The following CPSF1 variants were observed in gnomAD, a reference collection of about 807,000 sequenced individuals.
The protein encoded by CPSF1 is cleavage and polyadenylation specific factor 1, also known as cleavage and polyadenylation specificity factor subunit 1.
CPSF1 carries 106 observed loss-of-function variants against 175.8 expected under a neutral mutation model. The ratio of observed to expected loss-of-function variants is 0.60; its 90% CI spans 0.52 to 0.71. The LOEUF (loss-of-function observed/expected upper bound fraction) is 0.71. CPSF1 is among the 30% of genes least tolerant of loss of function. The probability of loss-of-function intolerance (pLI) is 0.00; values close to 1 mark genes in which losing one functional copy is unlikely to be tolerated. For missense variants in CPSF1, 1,734 were observed against 2,022.9 expected (o/e 0.86, Z 2.74); for synonymous variants, 1,024 against 858.3 (o/e 1.19, Z -3.37).
rs1554864099 is a variant in CPSF1, at chr8:144,397,007, TGTGG to T, written c.2593-82_2593-79del. Reference sequence around the variant, plus strand: ...GGATGGGCCATGGGAAGAGGTGGGCTGTGGGTAAGGGGCGGGGCTGAGATGGGGT... The same window carrying T: ...GGATGGGCCATGGGAAGAGGTGGGCTGTAAGGGGCGGGGCTGAGATGGGGT... On this transcript the variant is annotated intron_variant, in intron 23 of 37. Transcript: ENST00000616140. 3.6e-6 allele frequency: 4 copies of T among 1,116,588 alleles called. No individual in the cohort carries two copies. The East Asian group carries it at 1.0e-4, about 29-fold the overall frequency. 69.2% of individuals were successfully genotyped at this position (1,116,588 alleles called of 1,614,324 possible).
chr8:144,400,135 G>GCCCCCCCCCCCCCCCCCCCCCCCC lies in CPSF1; in HGVS notation c.937+30_937+31insGGGGGGGGGGGGGGGGGGGGGGGG, dbSNP rs1491238659. ...CTAGGCAGGCCCAAGCCGTCCCCGG[G>GCCCCCCCCCCCCCCCCCCCCCCCC]CCCCCCCCGCCCCAGCCACCCCACA... On this transcript the variant is annotated intron_variant, in intron 9 of 37. Coordinates refer to ENST00000616140, the MANE Select transcript of CPSF1 (RefSeq NM_013291.3). The GCCCCCCCCCCCCCCCCCCCCCCCC allele has an allele frequency of 3.1e-5, 28 of 896,766 alleles. 1 individual carries two copies. The highest frequency in any genetic ancestry group is 4.3e-5 in the Non-Finnish European group (27 of 622,336). 55.6% of individuals were successfully genotyped at this position (896,766 alleles called of 1,614,324 possible). A position where few individuals can be genotyped will look rare whatever the true frequency, so the allele number is the denominator to read the frequency against.
Position 144,401,210 on chromosome 8 carries a change from C to T in CPSF1, c.387+1G>A, listed in dbSNP as rs1821189401. 1 of 1,549,834 alleles carries T rather than the reference C, an allele frequency of 6.5e-7. No individual in the cohort carries two copies. Among genetic ancestry groups the T allele is most frequent in the African/African-American group, 1.4e-5 (1 of 73,010 alleles). Reference sequence around the variant, plus strand: ...GGGCGGGGGCGGGAGCGCGGCCCTACCCGAAGCTCAGGCTCCTCAAAGTAG... The same window carrying T: ...GGGCGGGGGCGGGAGCGCGGCCCTATCCGAAGCTCAGGCTCCTCAAAGTAG... On this transcript the variant is annotated splice_donor_variant, in intron 5 of 37. Coordinates refer to ENST00000616140, the MANE Select transcript of CPSF1 (RefSeq NM_013291.3). LOFTEE classifies it high-confidence loss of function.
rs2116909466 is a variant in CPSF1 at position 144,407,835 on chromosome 8, T to C, written c.144+1180A>G. Among the ~76,000 whole-genome samples, 3 of 152,252 alleles carry C rather than the reference T, an allele frequency of 2.0e-5. No individual in the cohort carries two copies. The East Asian group carries it at 5.8e-4, about 29-fold the overall frequency. ...GTGTGGGACTATAGGTGTGAGCCAGTGCACCCAGCCTGAGATTCGGTTACA... is the reference window on the plus strand; with the variant it reads ...GTGTGGGACTATAGGTGTGAGCCAGCGCACCCAGCCTGAGATTCGGTTACA... On this transcript the variant is annotated intron_variant, in intron 2 of 37. Coordinates refer to ENST00000616140, the MANE Select transcript of CPSF1 (RefSeq NM_013291.3).
In CPSF1 at chr8:144,397,850, G is replaced by A; in HGVS notation, c.2103C>T (p.Tyr701=). ...TGGTGAACATGCCGCTGAGGTCTCGGTACAGGCACAGCGTAATCACCTTGG... is the reference window on the plus strand; with the variant it reads ...TGGTGAACATGCCGCTGAGGTCTCGATACAGGCACAGCGTAATCACCTTGG... ...HQSKVITLCL[Y]RDLSGMFTTE... is the part of the protein sequence containing the mutation. Residue 701 remains tyrosine, a synonymous_variant, in exon 21 of 38, where the codon TAC becomes TAT. Coordinates refer to ENST00000616140, the MANE Select transcript of CPSF1 (RefSeq NM_013291.3). 2 of 1,610,704 alleles carry A rather than the reference G, an allele frequency of 1.2e-6. No homozygotes were observed. Among genetic ancestry groups the A allele is most frequent in the Non-Finnish European group, 1.7e-6 (2 of 1,178,996 alleles).
intron 2 of CPSF1, among the ~76,000 whole-genome samples, chr8:144,402,145 TC>T (rs1237122639): frequency 2.5e-5 from 3 of 119,736 alleles, no homozygotes; most frequent in Admixed American, 1.7e-4. Flanking sequence ...CGCCTCGGGC[TC>T]CCCCAGGCTG....
chr8:144,396,304 G>A (rs1411253724), intron 26 of CPSF1, 44 bp downstream of exon 26: 5 of 1,549,598 alleles, frequency 3.2e-6, no homozygotes, highest in African/African-American at 1.4e-5. Flanking sequence ...GCCCCCAGCT[G>A]GGGCAGCATC....
chr8:144,394,859 G>GC, intron 30 of CPSF1, 23 bp downstream of exon 30: 2 of 1,611,648 alleles, frequency 1.2e-6, no homozygotes, highest in Non-Finnish European at 1.7e-6. Flanking sequence ...GCCAGTTCCC[G>GC]CCCCCGCTCA....
chr8:144,400,786 T>C lies in CPSF1; in HGVS notation c.571A>G (p.Ile191Val). ...QRSSFLPSYI[I>V]DVRALDEKLL... ...TTCTCGTCTAGGGCCCGCACGTCGA[T>C]GATGTAGCTGGGCAGGAAGCTGGAC... The change falls in exon 7 of 38, where the codon ATC becomes GTC. Residue 191 changes from isoleucine to valine, a missense_variant. Around this residue, in one of 10 missense-constraint regions of CPSF1, gnomAD observed 122 missense variants for 177.2 expected, o/e 0.69. Coordinates refer to ENST00000616140, the MANE Select transcript of CPSF1 (RefSeq NM_013291.3). 1 of 1,613,806 alleles carries C rather than the reference T, an allele frequency of 6.2e-7. No individual in the cohort carries two copies.
Position 144,395,315 on chromosome 8 carries a change from C to T in CPSF1, c.3137G>A (p.Arg1046His), listed in dbSNP as rs377690578. 1.2e-5 allele frequency: 20 copies of T among 1,613,128 alleles called. No individual in the cohort carries two copies. Among genetic ancestry groups the T allele is most frequent in the South Asian group, 2.2e-5 (2 of 91,042 alleles). Residue 1046 changes from arginine (R) to histidine (H), a missense_variant, in exon 28 of 38, where the codon CGC (arginine) becomes CAC (histidine). Physicochemically the swap from Arg to His is conservative, Grantham distance 29. Around this residue, in one of 10 missense-constraint regions of CPSF1, gnomAD observed 585 missense variants for 584.7 expected, o/e 1.00. Coordinates refer to ENST00000616140, the MANE Select transcript of CPSF1 (RefSeq NM_013291.3). ...VATSTNTPCA[R>H]IPRMTGEEKE... ...CTCCTCGCCAGTCATGCGTGGGATGCGGGCACACGGCGTGTTGGTGCTGGT... is the reference window on the plus strand; with the variant it reads ...CTCCTCGCCAGTCATGCGTGGGATGTGGGCACACGGCGTGTTGGTGCTGGT...
chr8:144,396,157 ACCACCCCTTT>A (rs1310314622), intron 26 of CPSF1, 181 bp downstream of exon 26: 4 of 636,204 alleles, frequency 6.3e-6, no homozygotes, highest in African/African-American at 5.5e-5. Flanking sequence ...CCAGCTCCCA[ACCACCCCTTT>A]CCAGACCTTT....
chr8:144,396,088 T>C (rs1319888884), intron 26 of CPSF1: 20 of 537,304 alleles, frequency 3.7e-5, no homozygotes, highest in Non-Finnish European at 6.0e-5. Context: ...GGCCAGGCCC[T>C]GCGAGGGCTT....
chr8:144,395,933 C>T (rs1457591782), intron 26 of CPSF1: 1 of 394,358 alleles, frequency 2.5e-6, no homozygotes, highest in Admixed American at 4.1e-5. Flanking sequence ...GCACTCACCG[C>T]ATCCCAGGCA....
intron 9 of CPSF1, 38 bp downstream of exon 9, chr8:144,400,128 T>TA: frequency 5.5e-6 from 5 of 909,866 alleles, no homozygotes; most frequent in Non-Finnish European, 4.4e-6. Context: ...GCCCAAGCCG[T>TA]CCCCGGGCCC....
rs1399598433 is a variant in CPSF1, at chr8:144,400,409, G to A, written c.771C>T (p.Ser257=). Residue 257 remains serine, a synonymous_variant, in exon 8 of 38, where the codon TCC becomes TCT. Coordinates refer to ENST00000616140, the MANE Select transcript of CPSF1 (RefSeq NM_013291.3). ...TGCAGTCAAAGGGCAGGCTGGTGAGGGACCAGATGACGGGGTGCACCTTCT... is the reference window on the plus strand; with the variant it reads ...TGCAGTCAAAGGGCAGGCTGGTGAGAGACCAGATGACGGGGTGCACCTTCT... ...ITQKVHPVIW[S]LTSLPFDCTQ... 8.1e-6 allele frequency: 13 copies of A among 1,613,818 alleles called. No individual in the cohort carries two copies. The highest frequency in any genetic ancestry group is 1.1e-5 in the Non-Finnish European group (13 of 1,179,972).
Position 144,400,383 on chromosome 8 carries a change from G to C in CPSF1, c.797C>G (p.Thr266Ser). The C allele has an allele frequency of 1.2e-6, 2 of 1,613,926 alleles. No homozygotes were observed. The highest frequency in any genetic ancestry group is 1.7e-6 in the Non-Finnish European group (2 of 1,179,986). ...WSLTSLPFDC[T>S]QALAVPKPIG... ...GGGCTTGGGCACAGCCAGAGCCTGG[G>C]TGCAGTCAAAGGGCAGGCTGGTGAG... is the stretch of plus-strand genomic sequence containing the variant. Residue 266 changes from threonine (T) to serine (S), a missense_variant, in exon 8 of 38, where the codon ACC (threonine) becomes AGC (serine). Around this residue, in one of 10 missense-constraint regions of CPSF1, gnomAD observed 61 missense variants for 104.0 expected, o/e 0.59. Coordinates refer to ENST00000616140, the MANE Select transcript of CPSF1 (RefSeq NM_013291.3).
chr8:144,394,185 GC>G, intron 33 of CPSF1, 25 bp from the exon 34 acceptor site: 4 of 1,612,492 alleles, frequency 2.5e-6, no homozygotes, highest in Non-Finnish European at 3.4e-6. Flanking sequence ...CCCAGGGTCA[GC>G]CCCGGCCACC....
Position 144,409,286 on chromosome 8 carries a change from C to T in CPSF1, c.-15+3G>A, listed in dbSNP as rs1317504448. 2.2e-5 allele frequency: 19 copies of T among 881,368 alleles called. No homozygotes were observed. Among genetic ancestry groups the T allele is most frequent in the Middle Eastern group, 4.1e-4 (1 of 2,452 alleles). The allele number at this position is 881,368 out of a possible 1,614,324, so 54.6% of individuals were successfully genotyped here. Reference sequence around the variant, plus strand: ...CGCCTCGGCCGCCCGCCCGGCCGCCCACCTGGCAGTTGGAGCCGACTCGAG... The same window carrying T: ...CGCCTCGGCCGCCCGCCCGGCCGCCTACCTGGCAGTTGGAGCCGACTCGAG... On this transcript the variant is annotated splice_donor_region_variant and intron_variant, in intron 1 of 37. Coordinates refer to ENST00000616140, the MANE Select transcript of CPSF1 (RefSeq NM_013291.3).
chr8:144,393,624 TG>T lies in CPSF1; in HGVS notation c.4146-35del, dbSNP rs782262113. ...TACAGGCACAGGTGTCAGGGCAGGCTGGGGTGGAGGGGGTGCTGCACGGGGG... is the reference window on the plus strand; with the variant it reads ...TACAGGCACAGGTGTCAGGGCAGGCTGGGTGGAGGGGGTGCTGCACGGGGG... On this transcript the variant is annotated intron_variant, in intron 36 of 37. Transcript: ENST00000616140. 51 of 1,588,526 alleles carry T rather than the reference TG, an allele frequency of 3.2e-5. No individual in the cohort carries two copies. In the Middle Eastern group the frequency reaches 2.6e-3, roughly 80 times the overall value.
In CPSF1 at chr8:144,400,147, C is replaced by CCCCG; in HGVS notation, c.937+18_937+19insCGGG. The CCCCG allele has an allele frequency of 7.0e-7, 1 of 1,426,006 alleles. No homozygotes were observed. The highest frequency in any genetic ancestry group is 9.5e-7 in the Non-Finnish European group (1 of 1,052,418). 88.3% of individuals were successfully genotyped at this position (1,426,006 alleles called of 1,614,324 possible). On this transcript the variant is annotated intron_variant, in intron 9 of 37. Transcript: ENST00000616140. ...AAGCCGTCCCCGGGCCCCCCCCGCC[C>CCCCG]CAGCCACCCCACACTCACGAAGCGG...
Sources: allele counts gnomAD v4.1 joint callset (sites outside exome capture counted in the v4.1 genomes callset), GRCh38; gene constraint gnomAD v4.1.1; regional missense constraint gnomAD v4.1.1; transcripts MANE v1.5; gene names NCBI Gene and HGNC (gene_info 2026-07-23, HGNC 2026-07-21).